Variants in AKT3 observed in about 807,000 individuals in gnomAD.
AKT3 encodes the protein AKT serine/threonine kinase 3, also known as RAC-gamma serine/threonine-protein kinase.
AKT3 carries 15 observed loss-of-function variants against 65.3 expected under a neutral mutation model. The observed-to-expected ratio is 0.23, with a 90% CI of 0.15 to 0.35. The LOEUF is 0.35. Among genes scored for constraint, AKT3 ranks in the 10% least tolerant of loss-of-function variants. The pLI, the probability that AKT3 is intolerant of heterozygous loss-of-function variation, is 1.00. For missense variants in AKT3, 243 were observed against 576.5 expected, an observed-to-expected ratio of 0.42 and a Z score of 5.92; for synonymous variants, 206 against 183.8, an observed-to-expected ratio of 1.12 and a Z score of -0.98.
intron 8 of AKT3, among the ~76,000 whole-genome samples, chr1:243,578,876 T>C (rs1675133068): frequency 6.6e-6 from 1 of 152,186 alleles, no homozygotes; most frequent in Non-Finnish European, 1.5e-5. Flanking sequence ...TGCAAGGACA[T>C]CACTATCTGG....
At chr1:243,621,719 G>C (rs1466295990) in intron 6 of AKT3, among the ~76,000 whole-genome samples, 1 of 152,128 alleles carries the variant, frequency 6.6e-6, no homozygotes. Flanking sequence ...CCCTTGAAAA[G>C]TTTCTCCTGC....
intron 13 of AKT3, among the ~76,000 whole-genome samples, chr1:243,490,268 G>A (rs923380432): frequency 2.2e-4 from 33 of 152,240 alleles, no homozygotes; most frequent in African/African-American, 8.0e-4. Context: ...AAGGCCTGGA[G>A]GTGGAAATGC....
chr1:243,600,067 A>G (rs1383789985), intron 8 of AKT3, among the ~76,000 whole-genome samples: 2 of 152,166 alleles, frequency 1.3e-5, no homozygotes, highest in Non-Finnish European at 2.9e-5. Context: ...ACTTAAAAAC[A>G]TAAAATAATT....
intron 3 of AKT3, among the ~76,000 whole-genome samples, chr1:243,678,844 A>G (rs1376717138): frequency 6.6e-6 from 1 of 152,192 alleles, no homozygotes; most frequent in Non-Finnish European, 1.5e-5. Context: ...ACGTTTATAC[A>G]CAGTCAACTC....
chr1:243,490,664 C>G (rs1338942225), intron 13 of AKT3, among the ~76,000 whole-genome samples: 2 of 152,258 alleles, frequency 1.3e-5, no homozygotes, highest in Admixed American at 1.3e-4. Flanking sequence ...GGCGGGATGC[C>G]CCACGGGCCC....
intron 2 of AKT3, among the ~76,000 whole-genome samples, chr1:243,829,582 T>G (rs753299647): frequency 5.3e-5 from 8 of 152,158 alleles, no homozygotes; most frequent in Non-Finnish European, 1.0e-4. Flanking sequence ...AGGATAGGCC[T>G]CATATTTAAA....
intron 3 of AKT3, among the ~76,000 whole-genome samples, chr1:243,668,118 T>C (rs1337402621): frequency 6.6e-6 from 1 of 152,182 alleles, no homozygotes; most frequent in Non-Finnish European, 1.5e-5. Flanking sequence ...TTCAACTAGA[T>C]TGTAAGCTCC....
chr1:243,661,969 T>C (rs1682381147), intron 4 of AKT3, among the ~76,000 whole-genome samples: 2 of 147,904 alleles, frequency 1.4e-5, no homozygotes, highest in Non-Finnish European at 3.0e-5. Flanking sequence ...TCACCATCAC[T>C]GGCCATCAGA....
chr1:243,649,305 ATGTGTATATGTGTGTGTGTG>A (rs1681086796), intron 4 of AKT3, among the ~76,000 whole-genome samples: 2 of 102,516 alleles, frequency 2.0e-5, no homozygotes, highest in East Asian at 2.7e-4. Flanking sequence ...AGAATATGTT[ATGTGTATATGTGTGTGTGTG>A]TGTGTGTGTG....
At chr1:243,594,678 G>A (rs958420760) in intron 8 of AKT3, among the ~76,000 whole-genome samples, 1 of 152,084 alleles carries the variant, frequency 6.6e-6, no homozygotes, top group African/African-American at 2.4e-5. Context: ...GATCACTGCA[G>A]CATCAACCTC....
At chr1:243,626,298 T>C (rs182874708) in intron 6 of AKT3, among the ~76,000 whole-genome samples, 1 of 152,102 alleles carries the variant, frequency 6.6e-6, no homozygotes, top group Non-Finnish European at 1.5e-5. Context: ...GGATGAAGTT[T>C]TAAACGGTTA....
intron 8 of AKT3, among the ~76,000 whole-genome samples, chr1:243,575,869 A>G (rs1274625064): frequency 6.6e-6 from 1 of 152,142 alleles, no homozygotes. Flanking sequence ...AATACTAAAG[A>G]GGAAAAATAG....
At chr1:243,586,565 G>A (rs1325099328) in intron 8 of AKT3, among the ~76,000 whole-genome samples, 1 of 152,080 alleles carries the variant, frequency 6.6e-6, no homozygotes, top group African/African-American at 2.4e-5. Flanking sequence ...ACAAAATCCG[G>A]TCCTTTGCAG....
At chr1:243,753,135 G>A (rs1315245615) in intron 2 of AKT3, among the ~76,000 whole-genome samples, 1 of 152,082 alleles carries the variant, frequency 6.6e-6, no homozygotes, top group African/African-American at 2.4e-5. Context: ...GATTTCACAG[G>A]CAACACAAAG....
At chr1:243,744,717 T>C (rs1286436115) in intron 2 of AKT3, among the ~76,000 whole-genome samples, 2 of 137,832 alleles carry the variant, frequency 1.5e-5, no homozygotes, top group African/African-American at 2.7e-5. Flanking sequence ...CCAGCCTGGG[T>C]GACAGAGCGA....
chr1:243,489,018 A>C, intron 13 of AKT3: 1 of 1,613,382 alleles, frequency 6.2e-7, no homozygotes, highest in South Asian at 1.1e-5. Context: ...CTCCAGGCTA[A>C]GGCAGCTGGA....
chr1:243,687,719 T>C (rs557994767), intron 3 of AKT3: 12 of 152,184 alleles, frequency 7.9e-5, no homozygotes, highest in Non-Finnish European at 1.0e-4. Context: ...ATGATTTGAA[T>C]TGGAGCCTGA....
intron 13 of AKT3, among the ~76,000 whole-genome samples, chr1:243,493,928 A>G (rs73120368): frequency 0.01 from 1,581 of 152,060 alleles, 35 homozygotes; most frequent in African/African-American, 0.035. Context: ...CTCAGGGAGC[A>G]AGACTCCCTG....
At chr1:243,710,883 T>G (rs1686102946) in intron 2 of AKT3, among the ~76,000 whole-genome samples, 1 of 152,210 alleles carries the variant, frequency 6.6e-6, no homozygotes, top group Admixed American at 6.5e-5. Context: ...GAAATATTAT[T>G]TTTAGCTAGG....
Sources: allele counts gnomAD v4.1 joint callset (sites outside exome capture counted in the v4.1 genomes callset), GRCh38; gene constraint gnomAD v4.1.1; transcripts MANE v1.5; gene names NCBI Gene and HGNC (gene_info 2026-07-23, HGNC 2026-07-21).